Variants in UBE2V2 observed in about 807,000 individuals in gnomAD.
UBE2V2 encodes ubiquitin conjugating enzyme E2 V2.
A neutral mutation model predicts 17.2 loss-of-function variants in UBE2V2; 9 were observed. That is an observed-to-expected ratio of 0.52 (90% CI 0.32 to 0.91). The LOEUF (loss-of-function observed/expected upper bound fraction) is 0.91. Among genes scored for constraint, UBE2V2 ranks in the 40% least tolerant of loss-of-function variants. The pLI is 0.04. For missense variants in UBE2V2, 133 were observed against 182.6 expected (o/e 0.73, Z 1.56); for synonymous variants, 61 against 57.5 (o/e 1.06, Z -0.28).
intron 2 of UBE2V2, 70 bp from the exon 3 acceptor site, chr8:48,049,783 T>G: frequency 1.4e-6 from 2 of 1,408,480 alleles, no homozygotes; most frequent in Non-Finnish European, 1.9e-6. Context: ...CCCTTTTTTT[T>G]TTTTAGCACT....
the UBE2V2 span, among the ~76,000 whole-genome samples, chr8:48,002,226 C>T: frequency 6.6e-6 from 1 of 152,150 alleles, no homozygotes; most frequent in Non-Finnish European, 1.5e-5. Context: ...CTTTGGGGGA[C>T]ACATTCAAAC....
upstream of UBE2V2, among the ~76,000 whole-genome samples, chr8:48,004,225 T>C (rs190049603): frequency 1.3e-5 from 2 of 152,286 alleles, no homozygotes; most frequent in Non-Finnish European, 2.9e-5. Flanking sequence ...AGTAAGGACA[T>C]AATAAATGTG....
intron 2 of UBE2V2, among the ~76,000 whole-genome samples, chr8:48,045,264 T>G (rs560660116): frequency 2.0e-5 from 3 of 152,276 alleles, no homozygotes; most frequent in African/African-American, 7.2e-5. Flanking sequence ...TTATTTAAGT[T>G]TTACATGACA....
intron 1 of UBE2V2, 22 bp downstream of exon 1, chr8:48,008,492 C>T (rs2091201941): frequency 1.3e-6 from 2 of 1,565,162 alleles, no homozygotes; most frequent in African/African-American, 1.4e-5. Flanking sequence ...GGCCGGGCTG[C>T]GTGATTTTCC....
At position 48,049,914 on chromosome 8, in the gene UBE2V2, C is replaced by G. The variant is rs2091524259; in HGVS notation, c.227C>G (p.Ala76Gly). 3.2e-6 allele frequency: 5 copies of G among 1,585,840 alleles called. No individual in the cohort carries two copies. Among genetic ancestry groups the G allele is most frequent in the Non-Finnish European group, 4.3e-6 (5 of 1,170,548 alleles). ...GAATGTGGACCTAAATACCCAGAAG[C>G]TCCTCCGTCAGTTAGATTTGTAACA... ...KVECGPKYPEAPPSVRFVTKI... is the reference protein window; with the variant it reads ...KVECGPKYPEGPPSVRFVTKI... The change falls in exon 3 of 4, where the codon GCT (alanine) becomes GGT (glycine). Residue 76 changes from alanine to glycine, a missense_variant. By Grantham distance (60) the Ala-to-Gly change is moderately conservative. Around this residue, in one of 3 missense-constraint regions of UBE2V2, gnomAD observed 92 missense variants for 124.3 expected, o/e 0.74. Coordinates refer to ENST00000523111, the MANE Select transcript of UBE2V2 (RefSeq NM_003350.3).
intron 1 of UBE2V2, among the ~76,000 whole-genome samples, chr8:48,014,420 G>A (rs2091253967): frequency 1.3e-5 from 2 of 151,846 alleles, no homozygotes; most frequent in Admixed American, 6.6e-5. Flanking sequence ...TGAGGGGGGC[G>A]GATCACGAGG....
At chr8:48,011,578 G>GGC (rs1297197086) in intron 1 of UBE2V2, among the ~76,000 whole-genome samples, 2 of 152,198 alleles carry the variant, frequency 1.3e-5, no homozygotes, top group Admixed American at 6.6e-5. Flanking sequence ...CTTTAGTTCA[G>GGC]TGTGCATCAT....
At chr8:48,035,221 T>A (rs987476773) in intron 1 of UBE2V2, among the ~76,000 whole-genome samples, 39 of 147,994 alleles carry the variant, frequency 2.6e-4, no homozygotes, top group Non-Finnish European at 5.5e-4. Flanking sequence ...GTTCAAGCAA[T>A]TCTCATGTCT....
upstream of UBE2V2, among the ~76,000 whole-genome samples, chr8:48,005,967 T>A (rs1028238878): frequency 2.6e-5 from 4 of 152,250 alleles, no homozygotes; most frequent in Non-Finnish European, 5.9e-5. Context: ...ATAGGTTGCC[T>A]GTTCACTCTC....
rs562742928 is a variant in UBE2V2 at position 48,028,649 on chromosome 8, A to AT, written c.17-14376dup. ...CACTGTGTCCAGACCAACACAGCTA[A>AT]TTTTTTTTGTAGTTTTAGTAGAGAC... On this transcript the variant is annotated intron_variant, in intron 1 of 3. Coordinates refer to ENST00000523111, the MANE Select transcript of UBE2V2 (RefSeq NM_003350.3). 1.5e-4 allele frequency among the ~76,000 whole-genome samples: 23 copies of AT among 150,278 alleles called. No individual in the cohort carries two copies. The East Asian group carries it at 4.1e-3, about 27-fold the overall frequency.
intron 1 of UBE2V2, among the ~76,000 whole-genome samples, chr8:48,036,468 C>G (rs2091425930): frequency 6.6e-6 from 1 of 151,462 alleles, no homozygotes. Context: ...GAGTCTCACT[C>G]TGTCACTGAG....
At chr8:48,045,871 A>G (rs1278919056) in intron 2 of UBE2V2, among the ~76,000 whole-genome samples, 3 of 152,228 alleles carry the variant, frequency 2.0e-5, no homozygotes, top group Admixed American at 6.5e-5. Context: ...TTTTCTCCTT[A>G]GAAGGTGCAA....
At chr8:48,031,215 A>G (rs2091380761) in intron 1 of UBE2V2, among the ~76,000 whole-genome samples, 1 of 5,424 alleles carries the variant, frequency 1.8e-4, no homozygotes, top group Non-Finnish European at 3.4e-4. Flanking sequence ...TCTCAAAACA[A>G]ACAAACAAAC....
At position 48,049,834 on chromosome 8, in the gene UBE2V2, T is replaced by G; in HGVS notation, c.166-19T>G. On this transcript the variant is annotated intron_variant, in intron 2 of 3. Transcript: ENST00000523111. ...TAGGTATTGTTATTTTGATTATCTT[T>G]TTGTTTTTTGCCTTCCAGACAAATT... The G allele has an allele frequency of 6.3e-7, 1 of 1,590,530 alleles. No individual in the cohort carries two copies. Among genetic ancestry groups the G allele is most frequent in the Non-Finnish European group, 8.5e-7 (1 of 1,171,816 alleles).
At chr8:48,026,436 A>G (rs2091346784) in intron 1 of UBE2V2, among the ~76,000 whole-genome samples, 1 of 152,234 alleles carries the variant, frequency 6.6e-6, no homozygotes, top group African/African-American at 2.4e-5. Flanking sequence ...TTACTGAGAT[A>G]TAATTCACAT....
At chr8:48,058,081 C>T (rs1298543909) in intron 3 of UBE2V2, among the ~76,000 whole-genome samples, 1 of 152,136 alleles carries the variant, frequency 6.6e-6, no homozygotes. Flanking sequence ...TGCCTGTAAT[C>T]CCAGTGGTTT....
intron 2 of UBE2V2, among the ~76,000 whole-genome samples, chr8:48,046,142 C>G (rs1004773409): frequency 6.6e-6 from 1 of 151,304 alleles, no homozygotes; most frequent in South Asian, 2.1e-4. Context: ...TTTTTTGAGA[C>G]GGAGTCTTGC....
At chr8:48,024,572 G>A (rs1019157367) in intron 1 of UBE2V2, among the ~76,000 whole-genome samples, 1 of 151,264 alleles carries the variant, frequency 6.6e-6, no homozygotes, top group African/African-American at 2.4e-5. Context: ...ACCAGCCTGG[G>A]CAACAAGAGC....
intron 3 of UBE2V2, among the ~76,000 whole-genome samples, chr8:48,057,788 C>G (rs901398551): frequency 6.6e-6 from 1 of 151,982 alleles, no homozygotes; most frequent in African/African-American, 2.4e-5. Flanking sequence ...CAGATTGTTG[C>G]AAGTGTAAAG....
Sources: allele counts gnomAD v4.1 joint callset (sites outside exome capture counted in the v4.1 genomes callset), GRCh38; gene constraint gnomAD v4.1.1; regional missense constraint gnomAD v4.1.1; transcripts MANE v1.5; gene names NCBI Gene and HGNC (gene_info 2026-07-23, HGNC 2026-07-21).